ZNF639: variants seen among roughly 807,000 people sequenced by gnomAD.
ZNF639 encodes zinc finger protein 639.
In ZNF639, 20 loss-of-function variants were observed where a neutral mutation model predicts 39.8. The ratio of observed to expected loss-of-function variants is 0.50; its 90% CI spans 0.35 to 0.73. ZNF639 has a LOEUF of 0.73. Ranked by LOEUF, ZNF639 falls within the 30% of genes least tolerant of loss-of-function variation. The pLI, the probability that ZNF639 is intolerant of heterozygous loss-of-function variation, is 0.00. For missense variants in ZNF639, 477 were observed against 566.2 expected (o/e 0.84, Z 1.60); for synonymous variants, 176 against 189.8 (o/e 0.93, Z 0.60).
In ZNF639 at chr3:179,326,687, C is replaced by T. The variant is rs575368912; in HGVS notation, c.-82-874C>T. ...TTGCCCAGGCTGGAGTGCAGTGGCA[C>T]GATGTCAGCTCACTGTAGCCCTCCG... On this transcript the variant is annotated intron_variant, in intron 1 of 5. Transcript: ENST00000496856. 5.0e-3 allele frequency among the ~76,000 whole-genome samples: 757 copies of T among 151,532 alleles called. 9 individuals carry two copies. The highest frequency in any genetic ancestry group is 0.018 in the African/African-American group (729 of 41,338).
rs188842862 is a variant in ZNF639, at chr3:179,335,201, C to G, written c.*779C>G. 1.3e-5 allele frequency: 2 copies of G among 152,288 alleles called. No homozygotes were observed. Among genetic ancestry groups the G allele is most frequent in the Admixed American group, 1.3e-4 (2 of 15,296 alleles). The allele number at this position is 152,288 out of a possible 1,614,324, so 9.4% of individuals were successfully genotyped here. On this transcript the variant is annotated 3_prime_UTR_variant, in exon 6 of 6. Transcript: ENST00000496856. ...TAGTCTCCCAGGCTCGAGCAATCCT[C>G]CCACTTCACCCTCCTGCATAGCTAG...
At chr3:179,331,243 A>T (rs2108502439) in intron 4 of ZNF639, among the ~76,000 whole-genome samples, 1 of 152,350 alleles carries the variant, frequency 6.6e-6, no homozygotes, top group South Asian at 2.1e-4. Context: ...AACCCAGAGT[A>T]TAAAATAAAT....
intron 3 of ZNF639, 88 bp downstream of exon 3, chr3:179,328,439 G>C: frequency 1.2e-6 from 1 of 864,686 alleles, no homozygotes; most frequent in Non-Finnish European, 1.8e-6. Context: ...GATCAGATAA[G>C]ACTTAAATAT....
At chr3:179,331,775 C>CAAAAAAA (rs56708873) in intron 4 of ZNF639, among the ~76,000 whole-genome samples, 7 of 80,540 alleles carry the variant, frequency 8.7e-5, no homozygotes, top group Non-Finnish European at 1.2e-4. Context: ...AACTCCATCT[C>CAAAAAAA]AAAAAAAAAA....
intron 4 of ZNF639, among the ~76,000 whole-genome samples, chr3:179,332,531 T>C (rs996826708): frequency 6.6e-6 from 1 of 152,170 alleles, no homozygotes; most frequent in Non-Finnish European, 1.5e-5. Context: ...GGCTGAAGGA[T>C]CACTTGAGCC....
intron 3 of ZNF639, 104 bp downstream of exon 3, chr3:179,328,455 T>G (rs1727720459): frequency 1.4e-6 from 1 of 729,442 alleles, no homozygotes; most frequent in Non-Finnish European, 2.2e-6. Flanking sequence ...AATATCTGGG[T>G]CAATATTTAG....
intron 1 of ZNF639, among the ~76,000 whole-genome samples, chr3:179,326,057 G>C (rs1268258706): frequency 6.6e-6 from 1 of 152,006 alleles, no homozygotes; most frequent in Non-Finnish European, 1.5e-5. Context: ...TAGGCCGGGC[G>C]CGGTGCCTCG....
At position 179,328,422 on chromosome 3, in the gene ZNF639, C is replaced by G. The variant is rs1464478443; in HGVS notation, c.58+71C>G. The G allele has an allele frequency of 3.6e-6, 4 of 1,105,968 alleles. No individual in the cohort carries two copies. In the African/African-American group the frequency reaches 4.8e-5, roughly 13 times the overall value. 68.5% of individuals were successfully genotyped at this position (1,105,968 alleles called of 1,614,324 possible). On this transcript the variant is annotated intron_variant, in intron 3 of 5. Coordinates refer to ENST00000496856, the MANE Select transcript of ZNF639 (RefSeq NM_001303426.2). The stretch of plus-strand genomic sequence containing the variant: ...AAAATTATATTCTCATCCATTTTCT[C>G]CTAAGTGATCAGATAAGACTTAAAT...
chr3:179,333,843 G>C lies in ZNF639; in HGVS notation c.879G>C (p.Gln293His). The change falls in exon 6 of 6, where the codon CAG becomes CAC. Residue 293 changes from glutamine (Q) to histidine (H), a missense_variant. Gln to His is a conservative substitution (Grantham distance 24, BLOSUM62 0). Transcript: ENST00000496856. ...GTGATCACCTCTATTGGTGTGAACAGTGTGATGTACAGTTCTCCTCAAGCA... is the reference window on the plus strand; with the variant it reads ...GTGATCACCTCTATTGGTGTGAACACTGTGATGTACAGTTCTCCTCAAGCA... ...HFSDHLYWCE[Q>H]CDVQFSSSSE... is the part of the protein sequence containing the mutation. The C allele has an allele frequency of 6.2e-7, 1 of 1,614,198 alleles. No individual in the cohort carries two copies. Among genetic ancestry groups the C allele is most frequent in the Non-Finnish European group, 8.5e-7 (1 of 1,180,032 alleles).
At position 179,337,451 on chromosome 3, in the gene ZNF639, C is replaced by T. The variant is rs1188784098; in HGVS notation, c.*3029C>T. The T allele has an allele frequency of 6.6e-6, 1 of 151,430 alleles. No individual in the cohort carries two copies. The highest frequency in any genetic ancestry group is 2.0e-4 in the East Asian group (1 of 4,990). The allele number at this position is 151,430 out of a possible 1,614,324, so 9.4% of individuals were successfully genotyped here. A position where few individuals can be genotyped will look rare whatever the true frequency, so the allele number is the denominator to read the frequency against. On this transcript the variant is annotated 3_prime_UTR_variant, in exon 6 of 6. Coordinates refer to ENST00000496856, the MANE Select transcript of ZNF639 (RefSeq NM_001303426.2). ...TCTCAGGTGTAAGCAATTCTCCTGCCTTAGCCTCCCAAGTAGCTGGGATTA... is the reference window on the plus strand; with the variant it reads ...TCTCAGGTGTAAGCAATTCTCCTGCTTTAGCCTCCCAAGTAGCTGGGATTA...
At position 179,324,169 on chromosome 3, in the gene ZNF639, T is replaced by C. The variant is rs369786471; in HGVS notation, c.-83+878T>C. The stretch of plus-strand genomic sequence containing the variant: ...ACTCGTTAAAAATGGAGTTATTTAC[T>C]GTAAAGACGTCTTACAGCAATTAGG... On this transcript the variant is annotated intron_variant, in intron 1 of 5. Transcript: ENST00000496856. Among the ~76,000 whole-genome samples, 60 of 152,360 alleles carry C rather than the reference T, an allele frequency of 3.9e-4. 1 individual carries two copies. The South Asian group carries it at 0.012, about 31-fold the overall frequency.
chr3:179,323,117 G>T lies in ZNF639; in HGVS notation c.-257G>T. Reference sequence around the variant, plus strand: ...CAGGGGCCTGGCGCTCAGGGCGTGGGGCGCGCGGGGAGGGAGAGGGGTCGG... The same window carrying T: ...CAGGGGCCTGGCGCTCAGGGCGTGGTGCGCGCGGGGAGGGAGAGGGGTCGG... On this transcript the variant is annotated 5_prime_UTR_variant, in exon 1 of 6. Coordinates refer to ENST00000496856, the MANE Select transcript of ZNF639 (RefSeq NM_001303426.2). The T allele has an allele frequency of 1.0e-6, 1 of 984,732 alleles. No homozygotes were observed. The highest frequency in any genetic ancestry group is 1.2e-6 in the Non-Finnish European group (1 of 829,842). 61.0% of individuals were successfully genotyped at this position (984,732 alleles called of 1,614,324 possible).
At chr3:179,332,452 A>G (rs931093251) in intron 4 of ZNF639, among the ~76,000 whole-genome samples, 2 of 152,318 alleles carry the variant, frequency 1.3e-5, no homozygotes, top group East Asian at 3.9e-4. Context: ...GCAAGACCCC[A>G]TCTCAAAAAA....
chr3:179,330,477 G>T (rs556465981), intron 4 of ZNF639, among the ~76,000 whole-genome samples: 1 of 152,038 alleles, frequency 6.6e-6, no homozygotes, highest in Non-Finnish European at 1.5e-5. Context: ...GTAAAGACAG[G>T]GTCTTGCTGT....
intron 1 of ZNF639, among the ~76,000 whole-genome samples, chr3:179,324,485 T>C (rs1727472646): frequency 6.6e-6 from 1 of 152,226 alleles, no homozygotes; most frequent in Admixed American, 6.5e-5. Context: ...AGCAAATGTT[T>C]ATGACATCCT....
At position 179,323,120 on chromosome 3, in the gene ZNF639, G is replaced by C. The variant is rs918744411; in HGVS notation, c.-254G>C. 3 of 984,714 alleles carry C rather than the reference G, an allele frequency of 3.0e-6. No homozygotes were observed. The highest frequency in any genetic ancestry group is 2.4e-6 in the Non-Finnish European group (2 of 829,836). 61.0% of individuals were successfully genotyped at this position (984,714 alleles called of 1,614,324 possible). ...GGGCCTGGCGCTCAGGGCGTGGGGC[G>C]CGCGGGGAGGGAGAGGGGTCGGCCC... On this transcript the variant is annotated 5_prime_UTR_variant, in exon 1 of 6. Coordinates refer to ENST00000496856, the MANE Select transcript of ZNF639 (RefSeq NM_001303426.2).
intron 1 of ZNF639, chr3:179,323,936 C>A (rs1727432952): frequency 6.6e-6 from 1 of 151,716 alleles, no homozygotes; most frequent in Non-Finnish European, 1.5e-5. Context: ...TTGTTTTTTT[C>A]GAAGAGAAAG....
chr3:179,329,507 T>C, intron 3 of ZNF639, 111 bp from the exon 4 acceptor site: 1 of 637,240 alleles, frequency 1.6e-6, no homozygotes, highest in Non-Finnish European at 2.8e-6. Context: ...ATATTTTCAT[T>C]ACAGATACTA....
At position 179,333,854 on chromosome 3, in the gene ZNF639, A is replaced by G. The variant is rs764909740; in HGVS notation, c.890A>G (p.Gln297Arg). ...HLYWCEQCDV[Q>R]FSSSSELYLH... The stretch of plus-strand genomic sequence containing the variant: ...TATTGGTGTGAACAGTGTGATGTAC[A>G]GTTCTCCTCAAGCAGTGAACTCTAC... The change falls in exon 6 of 6, where the codon CAG becomes CGG. Residue 297 changes from glutamine (Q) to arginine (R), a missense_variant. Coordinates refer to ENST00000496856, the MANE Select transcript of ZNF639 (RefSeq NM_001303426.2). 3.9e-5 allele frequency: 63 copies of G among 1,614,076 alleles called. No homozygotes were observed. Among genetic ancestry groups the G allele is most frequent in the Non-Finnish European group, 5.1e-5 (60 of 1,180,024 alleles).
Sources: allele counts gnomAD v4.1 joint callset (sites outside exome capture counted in the v4.1 genomes callset), GRCh38; gene constraint gnomAD v4.1.1; transcripts MANE v1.5; gene names NCBI Gene and HGNC (gene_info 2026-07-23, HGNC 2026-07-21).